Variants in NFIB observed in about 807,000 individuals in gnomAD.
The protein encoded by NFIB is nuclear factor I B.
Under a neutral mutation model 61.5 loss-of-function variants are expected in NFIB, and 11 were observed. The ratio of observed to expected loss-of-function variants is 0.18; its 90% CI spans 0.11 to 0.30. The LOEUF (loss-of-function observed/expected upper bound fraction) is 0.30, where lower values mean the gene tolerates loss of function less well. NFIB is among the 10% of genes least tolerant of loss of function. The pLI is 1.00. For synonymous variants in NFIB, 260 were observed against 216.5 expected (o/e 1.20, Z -1.76); for missense variants, 471 against 608.9 (o/e 0.77, Z 2.38).
chr9:14,453,126 T>A, the NFIB span, among the ~76,000 whole-genome samples: 1 of 152,192 alleles, frequency 6.6e-6, no homozygotes. Context: ...TTGTTCAGGG[T>A]ATCTTTTGTG....
chr9:14,165,959 C>T (rs1265448945), intron 3 of NFIB, among the ~76,000 whole-genome samples: 1 of 152,254 alleles, frequency 6.6e-6, no homozygotes, highest in South Asian at 2.1e-4. Flanking sequence ...TTTCACACTA[C>T]TGTATTGTAC....
Position 14,146,773 on chromosome 9 carries a change from T to C in NFIB, c.841A>G (p.Met281Val). 1 of 1,604,644 alleles carries C rather than the reference T, an allele frequency of 6.2e-7. No homozygotes were observed. The highest frequency in any genetic ancestry group is 8.5e-7 in the Non-Finnish European group (1 of 1,177,646). ...RPKTISIDEN[M>V]EPSPTGDFYP... is the part of the protein sequence containing the mutation. ...AAGTCTCCTGTAGGACTTGGTTCCATATTTTCATCTATGGATATAGTTTTG... is the reference window on the plus strand; with the variant it reads ...AAGTCTCCTGTAGGACTTGGTTCCACATTTTCATCTATGGATATAGTTTTG... Residue 281 changes from methionine (M) to valine (V), a missense_variant, in exon 6 of 11, where the codon ATG becomes GTG. By Grantham distance (21) the Met-to-Val change is conservative. Transcript: ENST00000380953.
At chr9:14,528,089 T>G in the NFIB span, among the ~76,000 whole-genome samples, 1 of 152,296 alleles carries the variant, frequency 6.6e-6, no homozygotes, top group African/African-American at 2.4e-5. Context: ...GGATTTTCAG[T>G]TTAAAATAGT....
At chr9:14,318,912 C>T (rs1187528697), upstream of NFIB, among the ~76,000 whole-genome samples, 2 of 152,180 alleles carry the variant, frequency 1.3e-5, no homozygotes, top group Admixed American at 6.5e-5. Context: ...CTGAGTACTA[C>T]TACTACTGTC....
chr9:14,271,073 T>C (rs553564757), intron 2 of NFIB, among the ~76,000 whole-genome samples: 2 of 151,934 alleles, frequency 1.3e-5, no homozygotes, highest in East Asian at 3.9e-4. Flanking sequence ...CCAGAGGCCA[T>C]AACCATGGAG....
the NFIB span, among the ~76,000 whole-genome samples, chr9:14,414,208 T>C: frequency 6.6e-6 from 1 of 151,830 alleles, no homozygotes; most frequent in African/African-American, 2.4e-5. Flanking sequence ...GAGGCCAAGG[T>C]GGGCAGATTA....
the NFIB span, among the ~76,000 whole-genome samples, chr9:14,524,960 G>A: frequency 6.6e-6 from 1 of 152,324 alleles, no homozygotes; most frequent in Middle Eastern, 3.4e-3. Flanking sequence ...GCTCCAGGAG[G>A]TAAACAGATA....
At chr9:14,150,694 C>G (rs970331706) in intron 4 of NFIB, among the ~76,000 whole-genome samples, 2 of 152,002 alleles carry the variant, frequency 1.3e-5, no homozygotes, top group African/African-American at 2.4e-5. Flanking sequence ...AAACAGAGAA[C>G]CGTTTCACAA....
At chr9:14,447,257 C>T in the NFIB span, among the ~76,000 whole-genome samples, 486 of 152,240 alleles carry the variant, frequency 3.2e-3, no homozygotes, top group African/African-American at 0.011. Flanking sequence ...CTTATGAATC[C>T]ATGTCTGCTC....
At position 14,339,060 on chromosome 9, in the gene NFIB, C is replaced by T. The variant is rs532275259; in HGVS notation, c.109-31540G>A. On this transcript the variant is annotated intron_variant, in intron 1 of 8. Transcript: ENST00000380934. Reference sequence around the variant, plus strand: ...CACCATATTCTCCACTTTACTTGGCCATCCCATTTTAAACTTCTTGTTTCC... The same window carrying T: ...CACCATATTCTCCACTTTACTTGGCTATCCCATTTTAAACTTCTTGTTTCC... 6.5e-4 allele frequency among the ~76,000 whole-genome samples: 99 copies of T among 152,280 alleles called. 1 individual carries two copies. Among genetic ancestry groups the T allele is most frequent in the African/African-American group, 2.3e-3 (96 of 41,550 alleles).
the NFIB span, among the ~76,000 whole-genome samples, chr9:14,491,733 C>G: frequency 2.0e-5 from 3 of 152,120 alleles, no homozygotes; most frequent in East Asian, 5.8e-4. Flanking sequence ...ATTATAAATT[C>G]AAAGCCTCCC....
chr9:14,320,541 TTG>T (rs547630084), intron 1 of NFIB, among the ~76,000 whole-genome samples: 1 of 152,352 alleles, frequency 6.6e-6, no homozygotes, highest in African/African-American at 2.4e-5. Context: ...CCACAACGTT[TTG>T]TGTTTCACAA....
At position 14,120,369 on chromosome 9, in the gene NFIB, C is replaced by A; in HGVS notation, c.1245+71G>T. 6.6e-7 allele frequency: 1 copy of A among 1,504,878 alleles called. No individual in the cohort carries two copies. The highest frequency in any genetic ancestry group is 2.3e-5 in the East Asian group (1 of 44,304). 93.2% of individuals were successfully genotyped at this position (1,504,878 alleles called of 1,614,324 possible). On this transcript the variant is annotated intron_variant, in intron 8 of 10. Coordinates refer to ENST00000380953, the MANE Select transcript of NFIB (RefSeq NM_001190737.2). The surrounding 1 kb of genome is among the most constrained non-coding windows in gnomAD (Gnocchi z 4.4). ...TCTGCCAGACACACTGTCTGACTAACCTTTGTGTCTCAGAATTAGATCTGT... is the reference window on the plus strand; with the variant it reads ...TCTGCCAGACACACTGTCTGACTAAACTTTGTGTCTCAGAATTAGATCTGT...
intron 2 of NFIB, among the ~76,000 whole-genome samples, chr9:14,234,639 G>A (rs542559207): frequency 3.3e-5 from 5 of 150,820 alleles, no homozygotes; most frequent in South Asian, 2.1e-4. Context: ...TGTGATTACA[G>A]GTGTGAGCCA....
At chr9:14,257,519 G>C (rs1367224899) in intron 2 of NFIB, among the ~76,000 whole-genome samples, 1 of 152,206 alleles carries the variant, frequency 6.6e-6, no homozygotes, top group African/African-American at 2.4e-5. Context: ...ACTTTGGGAG[G>C]CCAAGGTGGG....
chr9:14,379,661 T>G (rs1191284173), intron 1 of NFIB, among the ~76,000 whole-genome samples: 2 of 152,142 alleles, frequency 1.3e-5, no homozygotes, highest in East Asian at 3.9e-4. Context: ...TTTTTCTTCT[T>G]AGGTTATCAG....
At chr9:14,400,936 C>T (rs766437818), upstream of NFIB, among the ~76,000 whole-genome samples, 16 of 152,204 alleles carry the variant, frequency 1.1e-4, no homozygotes, top group South Asian at 4.1e-4. Flanking sequence ...AGCCAATCAG[C>T]GACCACTCCT....
Position 14,313,613 on chromosome 9 carries a change from G to C in NFIB, c.-102C>G. On this transcript the variant is annotated 5_prime_UTR_variant, in exon 1 of 11. In the 5' UTR this introduces an upstream ATG that the reference lacks. Coordinates refer to ENST00000380953, the MANE Select transcript of NFIB (RefSeq NM_001190737.2). The surrounding 1 kb of genome is among the most constrained non-coding windows in gnomAD (Gnocchi z 4.5). ...TACAGTCATCTGAGCCCCGCGATGC[G>C]ATCAATCAGGACGGGGCTCTGCGCT... 2 of 1,599,932 alleles carry C rather than the reference G, an allele frequency of 1.3e-6. No homozygotes were observed. The highest frequency in any genetic ancestry group is 2.2e-5 in the South Asian group (2 of 89,550).
intron 7 of NFIB, among the ~76,000 whole-genome samples, chr9:14,121,653 T>C (rs2038956338): frequency 1.3e-5 from 2 of 152,168 alleles, no homozygotes. Flanking sequence ...TTTTACTATA[T>C]GTAGTTTAAA....
Sources: allele counts gnomAD v4.1 joint callset (sites outside exome capture counted in the v4.1 genomes callset), GRCh38; gene constraint gnomAD v4.1.1; non-coding constraint Gnocchi (gnomAD v3.1); transcripts MANE v1.5; gene names NCBI Gene and HGNC (gene_info 2026-07-23, HGNC 2026-07-21).